ZNF674: variants seen among roughly 807,000 people sequenced by gnomAD.
ZNF674 encodes zinc finger protein 674.
ZNF674 carries 2 observed loss-of-function variants against 7.0 expected under a neutral mutation model. That is an observed-to-expected ratio of 0.29 (90% CI 0.12 to 0.90). The LOEUF is 0.90. Among genes scored for constraint, ZNF674 ranks in the 40% least tolerant of loss-of-function variants. ZNF674 has a pLI of 0.57. For missense variants in ZNF674, 297 were observed against 415.5 expected (o/e 0.71, Z 2.48); for synonymous variants, 103 against 145.2 (o/e 0.71, Z 2.09).
At chrX:46,545,039 CA>C (rs749733820) in intron 1 of ZNF674, among the ~76,000 whole-genome samples, 1 of 111,764 alleles carries the variant, frequency 8.9e-6, no homozygotes, top group East Asian at 2.8e-4. Context: ...GGACTTTGGA[CA>C]GGTTGCCAAG....
rs1941390956 is a variant in ZNF674 at position 46,500,266 on chromosome X, A to G, written c.1308T>C (p.Tyr436=). Residue 436 remains tyrosine, a synonymous_variant, in exon 6 of 6, where the codon TAT becomes TAC. Transcript: ENST00000683375. ...HHRTHTGEKP[Y]ECRRCGKAFG... Reference sequence around the variant, plus strand: ...AGGCTTTCCCACATCTTCTGCATTCATAAGGTTTCTCTCCTGTATGAGTTC... The same window carrying G: ...AGGCTTTCCCACATCTTCTGCATTCGTAAGGTTTCTCTCCTGTATGAGTTC... 8.3e-7 allele frequency: 1 copy of G among 1,209,965 alleles called. No homozygotes were observed. Among genetic ancestry groups the G allele is most frequent in the Non-Finnish European group, 1.1e-6 (1 of 895,141 alleles).
chrX:46,505,815 CCTCA>C (rs1302801681), intron 5 of ZNF674, among the ~76,000 whole-genome samples: 2 of 104,565 alleles, frequency 1.9e-5, no homozygotes, highest in Admixed American at 1.0e-4. Context: ...AACTAGTAAA[CCTCA>C]CTAAGAACAG....
chrX:46,523,064 G>A, intron 5 of ZNF674: 1 of 209,283 alleles, frequency 4.8e-6, no homozygotes, highest in Non-Finnish European at 9.0e-6. Context: ...CTTCTGAAAA[G>A]TACGCACGTG....
intron 5 of ZNF674, among the ~76,000 whole-genome samples, chrX:46,520,015 AT>A (rs1274978427): frequency 8.9e-6 from 1 of 112,347 alleles, no homozygotes; most frequent in Non-Finnish European, 1.9e-5. Flanking sequence ...ATTATATAAC[AT>A]TTTTCAAATG....
intron 5 of ZNF674, among the ~76,000 whole-genome samples, chrX:46,505,814 A>G (rs1941528529): frequency 9.1e-6 from 1 of 110,051 alleles, no homozygotes; most frequent in Non-Finnish European, 1.9e-5. Flanking sequence ...AAACTAGTAA[A>G]CCTCACTAAG....
chrX:46,533,847 TATATATAC>T (rs1489558193), intron 3 of ZNF674, among the ~76,000 whole-genome samples: 2 of 89,051 alleles, frequency 2.2e-5, no homozygotes, highest in African/African-American at 8.6e-5. Flanking sequence ...TATATATATA[TATATATAC>T]ACACACACAC....
At chrX:46,530,129 A>C (rs7889429) in intron 3 of ZNF674, among the ~76,000 whole-genome samples, 20,456 of 110,900 alleles carry the variant, frequency 0.18, 2,981 homozygotes, top group African/African-American at 0.49. Flanking sequence ...CCTATCCTGT[A>C]ACGCCCACAC....
intron 3 of ZNF674, among the ~76,000 whole-genome samples, chrX:46,540,520 C>T (rs1282607705): frequency 3.6e-5 from 4 of 111,709 alleles, no homozygotes; most frequent in African/African-American, 1.3e-4. Flanking sequence ...CTTCAAATTT[C>T]AGGTTAAGTG....
intron 3 of ZNF674, among the ~76,000 whole-genome samples, chrX:46,540,374 C>A (rs1942272224): frequency 8.9e-6 from 1 of 112,398 alleles, no homozygotes; most frequent in Non-Finnish European, 1.9e-5. Context: ...ACAAAACTTT[C>A]ATTTGAATTT....
intron 5 of ZNF674, among the ~76,000 whole-genome samples, chrX:46,524,176 AGAG>A (rs1229681242): frequency 8.9e-6 from 1 of 112,476 alleles, no homozygotes; most frequent in African/African-American, 3.2e-5. Context: ...AGAAAACAGA[AGAG>A]GAGGAAACAC....
intron 3 of ZNF674, among the ~76,000 whole-genome samples, chrX:46,533,829 A>AAATATAT (rs1415090691): frequency 9.2e-5 from 6 of 65,550 alleles, no homozygotes; most frequent in African/African-American, 2.9e-4. Context: ...AAAAAAAAAA[A>AAATATAT]ATATATATAT....
chrX:46,505,686 G>A (rs369926332), intron 5 of ZNF674, among the ~76,000 whole-genome samples: 3 of 110,634 alleles, frequency 2.7e-5, no homozygotes, highest in East Asian at 5.7e-4. Flanking sequence ...CAGGAAAACC[G>A]CTTGAACCTG....
intron 5 of ZNF674, among the ~76,000 whole-genome samples, chrX:46,513,787 C>T (rs1004216322): frequency 9.0e-6 from 1 of 111,308 alleles, no homozygotes; most frequent in African/African-American, 3.3e-5. Flanking sequence ...GAGTGTTGGC[C>T]GGGTGTGGTG....
At chrX:46,541,606 G>GC (rs1348418657) in intron 3 of ZNF674, among the ~76,000 whole-genome samples, 2 of 111,665 alleles carry the variant, frequency 1.8e-5, no homozygotes, top group African/African-American at 6.5e-5. Flanking sequence ...TGACATAAAT[G>GC]CATCTACCCC....
intron 5 of ZNF674, among the ~76,000 whole-genome samples, chrX:46,504,511 T>A (rs1261649219): frequency 1.8e-5 from 2 of 109,963 alleles, no homozygotes; most frequent in East Asian, 5.8e-4. Flanking sequence ...CCTGGCTAAT[T>A]TTTGTATTTT....
intron 2 of ZNF674, 40 bp from the exon 3 acceptor site, chrX:46,542,156 T>C: frequency 3.7e-6 from 3 of 820,046 alleles, no homozygotes; most frequent in Non-Finnish European, 3.5e-6. Context: ...TCAGTGGGTA[T>C]AGACATAAGA....
chrX:46,513,611 G>C (rs775408937), intron 5 of ZNF674, among the ~76,000 whole-genome samples: 11 of 112,070 alleles, frequency 9.8e-5, no homozygotes, highest in African/African-American at 3.6e-4. Flanking sequence ...CATGCTTTTA[G>C]GGGATTAATT....
chrX:46,533,825 A>T (rs1208927173), intron 3 of ZNF674, among the ~76,000 whole-genome samples: 2 of 74,132 alleles, frequency 2.7e-5, no homozygotes, highest in African/African-American at 6.6e-5. Context: ...AAAAAAAAAA[A>T]AAAAATATAT....
At chrX:46,536,687 G>A (rs1039624158) in intron 3 of ZNF674, among the ~76,000 whole-genome samples, 3 of 110,324 alleles carry the variant, frequency 2.7e-5, no homozygotes, top group African/African-American at 9.9e-5. Flanking sequence ...AGCCCAGGAG[G>A]CTGAGGTTGC....
Sources: gnomAD v4.1 joint callset for allele counts (sites outside exome capture counted in the v4.1 genomes callset) on GRCh38, gnomAD v4.1.1 for gene constraint, MANE v1.5 for transcripts, NCBI Gene and HGNC (gene_info 2026-07-23, HGNC 2026-07-21) for gene names.